The following DAAM1 variants were observed in gnomAD, a reference collection of about 807,000 sequenced individuals.
The protein encoded by DAAM1 is disheveled-associated activator of morphogenesis 1.
A neutral mutation model predicts 130.0 loss-of-function variants in DAAM1; 52 were observed. The ratio of observed to expected loss-of-function variants is 0.40; its 90% CI spans 0.32 to 0.50. The LOEUF (loss-of-function observed/expected upper bound fraction) is 0.50, where lower values mean the gene tolerates loss of function less well. DAAM1 is among the 20% of genes least tolerant of loss of function. DAAM1 has a pLI of 0.61. For missense variants in DAAM1, 1,134 were observed against 1,303.8 expected, an observed-to-expected ratio of 0.87 and a Z score of 2.01; for synonymous variants, 452 against 444.5, an observed-to-expected ratio of 1.02 and a Z score of -0.21.
intron 22 of DAAM1, among the ~76,000 whole-genome samples, chr14:59,361,393 C>T (rs1886699723): frequency 6.6e-6 from 1 of 152,268 alleles, no homozygotes; most frequent in South Asian, 2.1e-4. Flanking sequence ...AGCCTGGCCG[C>T]ATCCAGATAA....
intron 17 of DAAM1, among the ~76,000 whole-genome samples, chr14:59,350,528 C>T (rs560379134): frequency 6.6e-6 from 1 of 152,086 alleles, no homozygotes; most frequent in Non-Finnish European, 1.5e-5. Context: ...CATCTAGCTA[C>T]TGTCTTCTCT....
intron 1 of DAAM1, among the ~76,000 whole-genome samples, chr14:59,237,954 C>G (rs556823548): frequency 4.6e-5 from 7 of 152,158 alleles, no homozygotes; most frequent in South Asian, 2.1e-4. Context: ...GATATTTGCT[C>G]CCTCAGATCT....
intron 3 of DAAM1, 100 bp from the exon 4 acceptor site, chr14:59,315,180 T>C: frequency 9.8e-7 from 1 of 1,022,886 alleles, no homozygotes; most frequent in Non-Finnish European, 1.6e-6. Context: ...TTCTAAAGGC[T>C]TGAGTGGGTC....
intron 2 of DAAM1, among the ~76,000 whole-genome samples, chr14:59,288,573 A>G (rs751122347): frequency 6.6e-6 from 1 of 152,186 alleles, no homozygotes; most frequent in Non-Finnish European, 1.5e-5. Context: ...AAACAACCCA[A>G]TGAAAAAATG....
intron 15 of DAAM1, among the ~76,000 whole-genome samples, chr14:59,333,655 G>A (rs1446171482): frequency 1.3e-5 from 2 of 152,186 alleles, no homozygotes; most frequent in Admixed American, 1.3e-4. Context: ...CATGCTGGTT[G>A]CCTAATATGA....
chr14:59,201,661 G>A (rs1435871001), intron 1 of DAAM1, among the ~76,000 whole-genome samples: 1 of 152,052 alleles, frequency 6.6e-6, no homozygotes, highest in East Asian at 1.9e-4. Context: ...GCTGAGCATA[G>A]TGGTACACAT....
At position 59,363,772 on chromosome 14, in the gene DAAM1, C is replaced by A. The variant is rs1396594605; in HGVS notation, c.2816C>A (p.Ala939Asp). Residue 939 changes from alanine (A) to aspartate (D), a missense_variant, in exon 23 of 25, where the codon GCT (alanine) becomes GAT (aspartate). Ala to Asp is a moderately radical substitution (Grantham distance 126). Coordinates refer to ENST00000360909, the MANE Select transcript of DAAM1 (RefSeq NM_001270520.2). ...FSDVEDLLAE[A>D]KDLFTKAVKH... ...GATGTTGAAGACCTTCTAGCAGAAG[C>A]TAAAGACCTGGTAAGTTTCCCCCTT... 6 of 1,613,790 alleles carry A rather than the reference C, an allele frequency of 3.7e-6. No individual in the cohort carries two copies. Among genetic ancestry groups the A allele is most frequent in the Non-Finnish European group, 5.1e-6 (6 of 1,179,956 alleles).
chr14:59,213,349 C>CAAAAA (rs35496333), intron 1 of DAAM1, among the ~76,000 whole-genome samples: 30 of 69,710 alleles, frequency 4.3e-4, no homozygotes, highest in East Asian at 1.3e-3. Context: ...CACAGCTTAC[C>CAAAAA]AAAAAAAAAA....
intron 2 of DAAM1, among the ~76,000 whole-genome samples, chr14:59,285,813 C>G (rs1220148637): frequency 6.6e-6 from 1 of 152,078 alleles, no homozygotes; most frequent in African/African-American, 2.4e-5. Flanking sequence ...GAGAACCAAA[C>G]AGTGATACTG....
intron 5 of DAAM1, among the ~76,000 whole-genome samples, 164 bp downstream of exon 5, chr14:59,320,748 A>G (rs1049219996): frequency 1.3e-5 from 2 of 152,112 alleles, no homozygotes; most frequent in Non-Finnish European, 2.9e-5. Context: ...GTGAAAAGGT[A>G]TGTAGGCAGC....
At chr14:59,217,043 G>A (rs1231725152) in intron 1 of DAAM1, among the ~76,000 whole-genome samples, 1 of 152,026 alleles carries the variant, frequency 6.6e-6, no homozygotes, top group African/African-American at 2.4e-5. Flanking sequence ...TTTGATCCAC[G>A]TTTGTTTGTC....
chr14:59,191,954 A>C (rs368606718), intron 1 of DAAM1, among the ~76,000 whole-genome samples: 1 of 152,208 alleles, frequency 6.6e-6, no homozygotes, highest in East Asian at 1.9e-4. Flanking sequence ...CAATATTTGT[A>C]ACATGTTACC....
At chr14:59,268,575 G>A (rs924965758) in intron 2 of DAAM1, among the ~76,000 whole-genome samples, 1 of 152,092 alleles carries the variant, frequency 6.6e-6, no homozygotes, top group East Asian at 1.9e-4. Flanking sequence ...GAAGAACTGA[G>A]GACAAAATAA....
intron 17 of DAAM1, among the ~76,000 whole-genome samples, chr14:59,351,486 ACCACTGCCCTT>A (rs1403345434): frequency 4.6e-5 from 7 of 151,998 alleles, no homozygotes; most frequent in African/African-American, 1.7e-4. Flanking sequence ...CACTGATGTT[ACCACTGCCCTT>A]CCACCTGCAT....
chr14:59,205,956 C>T (rs559243044), intron 1 of DAAM1, among the ~76,000 whole-genome samples: 10 of 152,174 alleles, frequency 6.6e-5, no homozygotes, highest in South Asian at 2.1e-4. Context: ...TAGACCTCCC[C>T]GAGCTCAGGT....
intron 12 of DAAM1, among the ~76,000 whole-genome samples, chr14:59,327,752 A>G (rs1398752671): frequency 6.6e-6 from 1 of 152,156 alleles, no homozygotes; most frequent in East Asian, 1.9e-4. Flanking sequence ...TTGATTTGGT[A>G]CCAGTTATAA....
chr14:59,358,398 G>A (rs1243813763), intron 20 of DAAM1, among the ~76,000 whole-genome samples: 1 of 152,234 alleles, frequency 6.6e-6, no homozygotes, highest in Non-Finnish European at 1.5e-5. Context: ...TAAGAGTTAT[G>A]CAGTTAGGAG....
intron 2 of DAAM1, among the ~76,000 whole-genome samples, chr14:59,289,767 G>GATAGATATATAT (rs375183979): frequency 1.8e-5 from 2 of 110,218 alleles, no homozygotes; most frequent in African/African-American, 7.3e-5. Flanking sequence ...AACAAAATGT[G>GATAGATATATAT]ATATATATAT....
chr14:59,338,381 G>C, intron 15 of DAAM1: 2 of 1,613,642 alleles, frequency 1.2e-6, no homozygotes, highest in South Asian at 2.2e-5. Flanking sequence ...TGCCATGGCT[G>C]TAGGATTTCT....
Sources: gnomAD v4.1 joint callset for allele counts (sites outside exome capture counted in the v4.1 genomes callset) on GRCh38, gnomAD v4.1.1 for gene constraint, MANE v1.5 for transcripts, NCBI Gene and HGNC (gene_info 2026-07-23, HGNC 2026-07-21) for gene names.